Variants in GRM8 observed in about 807,000 individuals in gnomAD.
GRM8 encodes the protein glutamate metabotropic receptor 8, also known as metabotropic glutamate receptor 8.
A neutral mutation model predicts 87.2 loss-of-function variants in GRM8; 47 were observed. The observed-to-expected ratio is 0.54, with a 90% confidence interval of 0.43 to 0.69. The LOEUF (loss-of-function observed/expected upper bound fraction) is 0.69. GRM8 is among the 30% of genes least tolerant of loss of function. GRM8 has a pLI of 0.00. For synonymous variants in GRM8, 396 were observed against 404.5 expected, an observed-to-expected ratio of 0.98 and a Z score of 0.25; for missense variants, 1,019 against 1,139.2, an observed-to-expected ratio of 0.89 and a Z score of 1.52.
intron 3 of GRM8, among the ~76,000 whole-genome samples, chr7:126,917,731 A>G (rs1429336050): frequency 6.6e-6 from 1 of 152,186 alleles, no homozygotes; most frequent in Non-Finnish European, 1.5e-5. Context: ...AGGTTGCCTC[A>G]ATGTACATAA....
rs1221128928 is a variant in GRM8 at position 126,666,114 on chromosome 7, A to G, written c.1358-56616T>C. 2.0e-5 allele frequency among the ~76,000 whole-genome samples: 3 copies of G among 152,350 alleles called. No homozygotes were observed. The East Asian group carries it at 5.8e-4, about 29-fold the overall frequency. On this transcript the variant is annotated intron_variant, in intron 7 of 10. Transcript: ENST00000339582. ...AAGATCTTTTTGATAGTTAGAGTCA[A>G]GGACGGAAATATGAATTGTCATACA...
intron 7 of GRM8, among the ~76,000 whole-genome samples, chr7:126,644,469 G>T (rs1802818597): frequency 6.6e-6 from 1 of 152,276 alleles, no homozygotes; most frequent in South Asian, 2.1e-4. Flanking sequence ...CCCAAGGACA[G>T]AAGTCATGCT....
rs938149692 is a variant in GRM8, at chr7:127,165,348, T to TTACTGCC, written c.511-58643_511-58637dup. Among the ~76,000 whole-genome samples the TTACTGCC allele has an allele frequency of 6.6e-5, 10 of 151,686 alleles. 1 individual carries two copies. Among genetic ancestry groups the TTACTGCC allele is most frequent in the Admixed American group, 5.9e-4 (9 of 15,202 alleles). On this transcript the variant is annotated intron_variant, in intron 2 of 10. Coordinates refer to ENST00000339582, the MANE Select transcript of GRM8 (RefSeq NM_000845.3). ...ATTGAAATTAGTTTTTAAGCTCATT[T>TTACTGCC]TACTGCCTAAAAAGCCCTCTTAAAT...
At chr7:126,724,225 A>T (rs577168690) in intron 7 of GRM8, among the ~76,000 whole-genome samples, 135 of 152,160 alleles carry the variant, frequency 8.9e-4, no homozygotes, top group Non-Finnish European at 1.7e-3. Flanking sequence ...CCTCCTGAGC[A>T]GGCAGCTGTA....
At position 127,252,839 on chromosome 7, in the gene GRM8, C is replaced by T. The variant is rs561427138; in HGVS notation, c.-354G>A. 14 of 211,600 alleles carry T rather than the reference C, an allele frequency of 6.6e-5. No homozygotes were observed. The highest frequency in any genetic ancestry group is 1.6e-4 in the East Asian group (1 of 6,110). The allele number at this position is 211,600 out of a possible 1,614,324, so 13.1% of individuals were successfully genotyped here. A position where few individuals can be genotyped will look rare whatever the true frequency, so the allele number is the denominator to read the frequency against. On this transcript the variant is annotated 5_prime_UTR_variant, in exon 1 of 11. Transcript: ENST00000339582. The surrounding 1 kb of genome is among the most constrained non-coding windows in gnomAD (Gnocchi z 4.9). ...GCGCGGTGAGGAAGCCCGCCGGGGG[C>T]CCGCAGCTCCATGTCAGCGCCGCCG...
intron 7 of GRM8, among the ~76,000 whole-genome samples, chr7:126,642,034 A>G (rs773993793): frequency 2.0e-5 from 3 of 152,216 alleles, no homozygotes; most frequent in Non-Finnish European, 4.4e-5. Context: ...TCAGCCATAC[A>G]AAATGAGTAG....
At chr7:127,087,288 A>C (rs1456212364) in intron 3 of GRM8, among the ~76,000 whole-genome samples, 1 of 152,216 alleles carries the variant, frequency 6.6e-6, no homozygotes, top group Non-Finnish European at 1.5e-5. Context: ...ATTACACAGG[A>C]CTGGACATTT....
chr7:126,832,692 CAT>C (rs1795509041), intron 6 of GRM8, among the ~76,000 whole-genome samples: 1 of 152,176 alleles, frequency 6.6e-6, no homozygotes, highest in Admixed American at 6.5e-5. Context: ...TGCTAAACCA[CAT>C]GACTATCCTT....
chr7:127,143,021 A>G (rs895050619), intron 2 of GRM8, among the ~76,000 whole-genome samples: 1 of 152,154 alleles, frequency 6.6e-6, no homozygotes, highest in African/African-American at 2.4e-5. Flanking sequence ...ATCCTTCCAC[A>G]GTGGAAAACC....
At chr7:126,457,697 AAAG>A (rs1406822247) in intron 9 of GRM8, among the ~76,000 whole-genome samples, 1 of 151,376 alleles carries the variant, frequency 6.6e-6, no homozygotes, top group Non-Finnish European at 1.5e-5. Flanking sequence ...AGCAGACACA[AAAG>A]AAGAAATCTT....
At chr7:126,505,190 A>G (rs972610916) in intron 9 of GRM8, among the ~76,000 whole-genome samples, 1 of 152,160 alleles carries the variant, frequency 6.6e-6, no homozygotes, top group African/African-American at 2.4e-5. Flanking sequence ...AAACCACAAC[A>G]GTTCTGCGTT....
chr7:126,566,743 G>A (rs1794251627), intron 8 of GRM8, among the ~76,000 whole-genome samples: 1 of 152,124 alleles, frequency 6.6e-6, no homozygotes, highest in Non-Finnish European at 1.5e-5. Flanking sequence ...CTTCACCACA[G>A]TACTGTTCAC....
At chr7:126,669,238 A>T (rs1410553627) in intron 7 of GRM8, among the ~76,000 whole-genome samples, 2 of 152,172 alleles carry the variant, frequency 1.3e-5, no homozygotes, top group Non-Finnish European at 2.9e-5. Flanking sequence ...AAACCTAGAT[A>T]ACGGTTTCAT....
chr7:126,853,815 G>A (rs1242529586), intron 6 of GRM8, among the ~76,000 whole-genome samples: 4 of 152,070 alleles, frequency 2.6e-5, no homozygotes, highest in Admixed American at 6.6e-5. Flanking sequence ...CAACTTCTCC[G>A]TTATTTGCTT....
intron 2 of GRM8, among the ~76,000 whole-genome samples, chr7:127,153,858 T>C (rs1792556053): frequency 6.6e-6 from 1 of 152,036 alleles, no homozygotes; most frequent in African/African-American, 2.4e-5. Context: ...CAAAACACAA[T>C]TGATTTGATA....
At chr7:127,030,778 C>A (rs942288481) in intron 3 of GRM8, among the ~76,000 whole-genome samples, 24 of 152,168 alleles carry the variant, frequency 1.6e-4, no homozygotes, top group South Asian at 6.2e-4. Context: ...CCTATTTCGG[C>A]CAACTTAACA....
chr7:127,194,880 C>T (rs1157889089), intron 2 of GRM8, among the ~76,000 whole-genome samples: 2 of 152,202 alleles, frequency 1.3e-5, no homozygotes, highest in Non-Finnish European at 2.9e-5. Flanking sequence ...TTCCAGGTCA[C>T]ATGGTGATTT....
intron 3 of GRM8, among the ~76,000 whole-genome samples, chr7:126,922,625 T>C (rs1804647736): frequency 6.6e-6 from 1 of 152,102 alleles, no homozygotes; most frequent in African/African-American, 2.4e-5. Flanking sequence ...CCCTGATTTT[T>C]AAGGTCATTA....
At chr7:127,074,458 C>T (rs1232862956) in intron 3 of GRM8, among the ~76,000 whole-genome samples, 4 of 152,272 alleles carry the variant, frequency 2.6e-5, no homozygotes, top group South Asian at 4.1e-4. Context: ...CCTCTGGGGA[C>T]AGAGCTTCTG....
Sources: allele counts gnomAD v4.1 joint callset (sites outside exome capture counted in the v4.1 genomes callset), GRCh38; gene constraint gnomAD v4.1.1; non-coding constraint Gnocchi (gnomAD v3.1); transcripts MANE v1.5; gene names NCBI Gene and HGNC (gene_info 2026-07-23, HGNC 2026-07-21).